The following PDE3B variants were observed in gnomAD, a reference collection of about 807,000 sequenced individuals.
PDE3B encodes the protein phosphodiesterase 3B.
PDE3B carries 66 observed loss-of-function variants against 116.8 expected under a neutral mutation model. The observed-to-expected ratio is 0.56, with a 90% CI of 0.46 to 0.69. The LOEUF (loss-of-function observed/expected upper bound fraction) is 0.69, where lower values mean the gene tolerates loss of function less well. PDE3B is among the 30% of genes least tolerant of loss of function. PDE3B has a pLI of 0.00. For missense variants in PDE3B, 1,384 were observed against 1,368.1 expected (o/e 1.01, Z -0.18); for synonymous variants, 595 against 533.6 (o/e 1.12, Z -1.59).
intron 1 of PDE3B, among the ~76,000 whole-genome samples, chr11:14,733,523 G>T (rs1278103515): frequency 6.6e-6 from 1 of 152,134 alleles, no homozygotes; most frequent in Non-Finnish European, 1.5e-5. Flanking sequence ...TTTTATTAAG[G>T]TGTGGCTTTT....
intron 1 of PDE3B, among the ~76,000 whole-genome samples, chr11:14,709,403 A>G (rs1855630976): frequency 1.3e-5 from 2 of 152,138 alleles, no homozygotes. Context: ...GTGGCATCTG[A>G]TAATCACATC....
chr11:14,814,022 T>G (rs1859238533), intron 5 of PDE3B, among the ~76,000 whole-genome samples: 1 of 152,192 alleles, frequency 6.6e-6, no homozygotes, highest in Non-Finnish European at 1.5e-5. Context: ...TCATCTTAAT[T>G]GGTACAGAGA....
At chr11:14,887,701 C>G in the PDE3B span, 1 of 948,770 alleles carries the variant, frequency 1.1e-6, no homozygotes, top group South Asian at 4.9e-5. Context: ...ATTTTTCACT[C>G]TCCCAGTTAA....
intron 1 of PDE3B, among the ~76,000 whole-genome samples, chr11:14,661,079 A>C (rs1049135352): frequency 1.3e-5 from 2 of 150,902 alleles, no homozygotes; most frequent in Non-Finnish European, 2.9e-5. Context: ...GTGGGACTAT[A>C]AGTAGTTCAA....
At chr11:14,678,495 A>G (rs1302968841) in intron 1 of PDE3B, among the ~76,000 whole-genome samples, 2 of 152,178 alleles carry the variant, frequency 1.3e-5, no homozygotes, top group African/African-American at 2.4e-5. Context: ...CATCCTGACC[A>G]GCACTTGGTA....
intron 2 of PDE3B, chr11:14,773,887 T>C (rs891819530): frequency 3.3e-5 from 5 of 152,204 alleles, no homozygotes; most frequent in Non-Finnish European, 7.3e-5. Flanking sequence ...GGTCTGAATT[T>C]AAGCTCACTA....
chr11:14,814,378 T>C (rs1859247687), intron 5 of PDE3B, among the ~76,000 whole-genome samples: 1 of 152,192 alleles, frequency 6.6e-6, no homozygotes, highest in African/African-American at 2.4e-5. Context: ...TCTAAAAATA[T>C]AGTAATAGAA....
At chr11:14,868,054 G>C (rs113804710) in intron 15 of PDE3B, among the ~76,000 whole-genome samples, 40 of 152,236 alleles carry the variant, frequency 2.6e-4, no homozygotes, top group African/African-American at 8.7e-4. Context: ...TTGTTTCTCA[G>C]ATACAGATTC....
chr11:14,722,215 A>T (rs377004613), intron 1 of PDE3B, among the ~76,000 whole-genome samples: 1 of 151,706 alleles, frequency 6.6e-6, no homozygotes, highest in Non-Finnish European at 1.5e-5. Context: ...ATGTTAAATG[A>T]CGAGTTAATG....
rs776861004 is a variant in PDE3B, at chr11:14,786,676, A to G, written c.1269A>G (p.Lys423=). The G allele has an allele frequency of 1.2e-6, 2 of 1,610,464 alleles. No homozygotes were observed. The highest frequency in any genetic ancestry group is 2.2e-5 in the South Asian group (2 of 90,972). The change falls in exon 3 of 16, where the codon AAA becomes AAG. Residue 423 remains lysine, a synonymous_variant. Coordinates refer to ENST00000282096, the MANE Select transcript of PDE3B (RefSeq NM_000922.4). The stretch of plus-strand genomic sequence containing the variant: ...ACCCAGCTGAGAAAGGGGATAGAAA[A>G]CTTAACAAGGTCGAAATACAGTAAT... ...IEDPAEKGDR[K]LNKGLNRNSL...
chr11:14,644,385 G>A lies in PDE3B; in HGVS notation c.310G>A (p.Gly104Arg). The change falls in exon 1 of 16, where the codon GGG (glycine) becomes AGG (arginine). Residue 104 changes from glycine to arginine, a missense_variant. This residue lies in a region of PDE3B where 956 missense variants were observed against 806.8 expected (regional missense o/e 1.18). Transcript: ENST00000282096. ...LGAEPESWAA[G>R]AAWLRTLLSV... ...CGCGGAACCCGAGAGCTGGGCTGCC[G>A]GGGCCGCCTGGCTGCGGACGCTGCT... The A allele has an allele frequency of 1.2e-6, 2 of 1,601,762 alleles. No individual in the cohort carries two copies. Among genetic ancestry groups the A allele is most frequent in the South Asian group, 1.1e-5 (1 of 89,656 alleles).
chr11:14,743,162 A>C (rs1361710511), intron 1 of PDE3B, among the ~76,000 whole-genome samples: 1 of 152,120 alleles, frequency 6.6e-6, no homozygotes, highest in Non-Finnish European at 1.5e-5. Context: ...AGTTGCACCC[A>C]CAGCTGCCCC....
chr11:14,737,839 A>G (rs938025582), intron 1 of PDE3B, among the ~76,000 whole-genome samples: 3 of 126,562 alleles, frequency 2.4e-5, no homozygotes, highest in Admixed American at 1.1e-4. Flanking sequence ...TCATTGTTCA[A>G]TTCCCATCTA....
intron 12 of PDE3B, among the ~76,000 whole-genome samples, chr11:14,844,839 C>T (rs562695067): frequency 6.6e-6 from 1 of 152,338 alleles, no homozygotes; most frequent in East Asian, 1.9e-4. Context: ...CTGGGAAGCT[C>T]GAACTGGGTG....
chr11:14,714,646 G>A (rs908149427), intron 1 of PDE3B, among the ~76,000 whole-genome samples: 1 of 152,010 alleles, frequency 6.6e-6, no homozygotes, highest in African/African-American at 2.4e-5. Flanking sequence ...GCCCCAAGAT[G>A]GTGCCAATGT....
At chr11:14,731,906 A>G (rs553727133) in intron 1 of PDE3B, among the ~76,000 whole-genome samples, 1 of 152,318 alleles carries the variant, frequency 6.6e-6, no homozygotes, top group African/African-American at 2.4e-5. Context: ...AATGTAAAAA[A>G]TATTTTCACC....
intron 1 of PDE3B, among the ~76,000 whole-genome samples, chr11:14,647,570 C>T (rs1314003143): frequency 6.6e-6 from 1 of 151,838 alleles, no homozygotes; most frequent in Non-Finnish European, 1.5e-5. Flanking sequence ...CCTTGCTAAC[C>T]TATACTTTCC....
At chr11:14,694,453 A>G (rs1855143080) in intron 1 of PDE3B, among the ~76,000 whole-genome samples, 1 of 152,174 alleles carries the variant, frequency 6.6e-6, no homozygotes, top group Admixed American at 6.5e-5. Context: ...CCACCCTGAT[A>G]AGTCAGCAGC....
chr11:14,755,113 A>G (rs1372635235), intron 1 of PDE3B, among the ~76,000 whole-genome samples: 1 of 152,206 alleles, frequency 6.6e-6, no homozygotes, highest in African/African-American at 2.4e-5. Context: ...GTTTAAATGC[A>G]AAAATCATGT....
Sources: gnomAD v4.1 joint callset for allele counts (sites outside exome capture counted in the v4.1 genomes callset) on GRCh38, gnomAD v4.1.1 for gene constraint, gnomAD v4.1.1 regional missense constraint, MANE v1.5 for transcripts, NCBI Gene and HGNC (gene_info 2026-07-23, HGNC 2026-07-21) for gene names.